The following KIAA1217 variants were observed in gnomAD, a reference collection of about 807,000 sequenced individuals.
KIAA1217 encodes KIAA1217.
KIAA1217 carries 88 observed loss-of-function variants against 163.9 expected under a neutral mutation model. The ratio of observed to expected loss-of-function variants is 0.54; its 90% CI spans 0.45 to 0.64. The LOEUF is 0.64. Ranked by LOEUF, KIAA1217 falls within the 30% of genes least tolerant of loss-of-function variation. KIAA1217 has a pLI of 0.00. For synonymous variants in KIAA1217, 903 were observed against 923.1 expected (o/e 0.98, Z 0.39); for missense variants, 2,372 against 2,475.0 (o/e 0.96, Z 0.88).
chr10:24,448,249 G>A (rs757209490), intron 5 of KIAA1217, among the ~76,000 whole-genome samples: 1 of 151,752 alleles, frequency 6.6e-6, no homozygotes, highest in African/African-American at 2.4e-5. Flanking sequence ...TTTTGCGTGG[G>A]GGGGGCTGGA....
chr10:24,171,928 A>C (rs1013441565), intron 2 of KIAA1217, among the ~76,000 whole-genome samples: 10 of 152,210 alleles, frequency 6.6e-5, no homozygotes, highest in African/African-American at 2.4e-4. Flanking sequence ...GGTAGGGAGG[A>C]GTTTACACAC....
intron 2 of KIAA1217, among the ~76,000 whole-genome samples, chr10:24,276,350 A>C (rs1293887327): frequency 1.3e-5 from 2 of 152,252 alleles, no homozygotes; most frequent in African/African-American, 2.4e-5. Flanking sequence ...AAAATGACTT[A>C]GAATTCCATC....
At chr10:23,741,885 G>T (rs559393459) in intron 1 of KIAA1217, among the ~76,000 whole-genome samples, 7 of 152,356 alleles carry the variant, frequency 4.6e-5, no homozygotes, top group Admixed American at 6.5e-5. Flanking sequence ...AATGAAACAA[G>T]TGATGGGATG....
intron 1 of KIAA1217, among the ~76,000 whole-genome samples, chr10:23,800,925 C>T (rs1195507288): frequency 6.6e-6 from 1 of 152,042 alleles, no homozygotes; most frequent in African/African-American, 2.4e-5. Flanking sequence ...GGCAATTTCT[C>T]AAGGATCTAG....
In KIAA1217 at chr10:24,486,088, G is replaced by T. The variant is rs2065358370; in HGVS notation, c.1680-8412G>T. Among the ~76,000 whole-genome samples, 4 of 152,302 alleles carry T rather than the reference G, an allele frequency of 2.6e-5. No homozygotes were observed. In the South Asian group the frequency reaches 8.3e-4, roughly 32 times the overall value. ...CAGAGGTTTCCTGGCTCCAGCCATT[G>T]CTCTCGACCTCACAGCTACCCATTG... On this transcript the variant is annotated intron_variant, in intron 6 of 20. Coordinates refer to ENST00000376454, the MANE Select transcript of KIAA1217 (RefSeq NM_019590.5).
intron 2 of KIAA1217, among the ~76,000 whole-genome samples, chr10:24,126,551 A>G (rs529859458): frequency 1.3e-5 from 2 of 152,122 alleles, no homozygotes; most frequent in Non-Finnish European, 2.9e-5. Flanking sequence ...ATTTGGGATT[A>G]TGAGCTCATC....
chr10:24,220,107 T>C (rs1218759041), intron 2 of KIAA1217, among the ~76,000 whole-genome samples, 198 bp downstream of exon 2: 4 of 152,170 alleles, frequency 2.6e-5, no homozygotes, highest in Admixed American at 1.3e-4. Context: ...CAGTCTTCTT[T>C]GCCAATACAG....
chr10:23,941,235 A>C (rs1843750986), intron 1 of KIAA1217, among the ~76,000 whole-genome samples: 1 of 152,250 alleles, frequency 6.6e-6, no homozygotes, highest in South Asian at 2.1e-4. Context: ...CAGAGTTAAC[A>C]ATACGTTTAT....
chr10:24,326,781 A>G (rs2044963647), intron 2 of KIAA1217, among the ~76,000 whole-genome samples: 1 of 152,186 alleles, frequency 6.6e-6, no homozygotes, highest in Admixed American at 6.5e-5. Context: ...TCATAATTAT[A>G]TAAATTAATA....
chr10:24,430,164 A>C (rs200904587), intron 3 of KIAA1217, among the ~76,000 whole-genome samples: 1 of 152,164 alleles, frequency 6.6e-6, no homozygotes, highest in Non-Finnish European at 1.5e-5. Context: ...CATACACACA[A>C]AAGTTTGTCT....
chr10:24,491,272 T>TA (rs1395745778), intron 6 of KIAA1217, among the ~76,000 whole-genome samples: 2 of 115,212 alleles, frequency 1.7e-5, no homozygotes, highest in African/African-American at 6.6e-5. Flanking sequence ...GTGCTTTGTT[T>TA]CTTTTTTTTT....
intron 2 of KIAA1217, among the ~76,000 whole-genome samples, chr10:24,318,734 C>T (rs553589609): frequency 1.3e-4 from 20 of 152,290 alleles, no homozygotes; most frequent in African/African-American, 4.8e-4. Context: ...GATTTTTCTG[C>T]AGTACTGGCA....
intron 1 of KIAA1217, among the ~76,000 whole-genome samples, chr10:23,847,623 C>T (rs1839105121): frequency 6.6e-6 from 1 of 151,974 alleles, no homozygotes; most frequent in South Asian, 2.1e-4. Context: ...CTTTGTTATT[C>T]TGGCTATCGC....
intron 1 of KIAA1217, among the ~76,000 whole-genome samples, chr10:23,782,946 C>T (rs1477661160): frequency 1.3e-5 from 2 of 152,274 alleles, no homozygotes; most frequent in Middle Eastern, 3.4e-3. Flanking sequence ...AGTTTTCCCC[C>T]ATTAATTATT....
At position 24,202,699 on chromosome 10, in the gene KIAA1217, C is replaced by G. The variant is rs530677169; in HGVS notation, c.-170-16927C>G. Among the ~76,000 whole-genome samples, 15 of 152,252 alleles carry G rather than the reference C, an allele frequency of 9.9e-5. No individual in the cohort carries two copies. In the South Asian group the frequency reaches 2.5e-3, roughly 25 times the overall value. On this transcript the variant is annotated intron_variant, in intron 2 of 18. Coordinates refer to the KIAA1217 transcript ENST00000376462. Reference sequence around the variant, plus strand: ...GGCCTCATCCTCCTGGAAGCCCTGCCCCCCAGGGAGGTCCCTGGCATCACA... The same window carrying G: ...GGCCTCATCCTCCTGGAAGCCCTGCGCCCCAGGGAGGTCCCTGGCATCACA...
At chr10:23,913,043 A>G (rs1266509069) in intron 1 of KIAA1217, among the ~76,000 whole-genome samples, 1 of 152,176 alleles carries the variant, frequency 6.6e-6, no homozygotes, top group African/African-American at 2.4e-5. Flanking sequence ...AGCAGGAGGA[A>G]AACCATGTTA....
At chr10:23,903,209 G>T (rs796648859) in intron 1 of KIAA1217, among the ~76,000 whole-genome samples, 1 of 151,844 alleles carries the variant, frequency 6.6e-6, no homozygotes, top group Non-Finnish European at 1.5e-5. Flanking sequence ...TTCCATTTTT[G>T]GTATTTCTTT....
chr10:24,063,539 G>A (rs2060816592), intron 2 of KIAA1217, among the ~76,000 whole-genome samples: 1 of 152,214 alleles, frequency 6.6e-6, no homozygotes, highest in Non-Finnish European at 1.5e-5. Flanking sequence ...TTTGGTTACT[G>A]TAGCCTTGTA....
chr10:23,963,164 G>A (rs1351204992), intron 1 of KIAA1217, among the ~76,000 whole-genome samples: 5 of 152,194 alleles, frequency 3.3e-5, no homozygotes, highest in Non-Finnish European at 5.9e-5. Context: ...TGTGCAGAAC[G>A]TGCAGGTTTG....
Sources: allele counts gnomAD v4.1 joint callset (sites outside exome capture counted in the v4.1 genomes callset), GRCh38; gene constraint gnomAD v4.1.1; transcripts MANE v1.5; gene names NCBI Gene and HGNC (gene_info 2026-07-23, HGNC 2026-07-21).